The following LAMA2 variants were observed in gnomAD, a reference collection of about 807,000 sequenced individuals.
LAMA2 encodes laminin subunit alpha 2.
In LAMA2, 269 loss-of-function variants were observed where a neutral mutation model predicts 364.8. The ratio of observed to expected loss-of-function variants is 0.74; its 90% confidence interval spans 0.67 to 0.82. The LOEUF (loss-of-function observed/expected upper bound fraction) is 0.82. LAMA2 is among the 40% of genes least tolerant of loss of function. The pLI, the probability that LAMA2 is intolerant of heterozygous loss-of-function variation, is 0.00. For missense variants in LAMA2, 3,807 were observed against 3,873.2 expected (o/e 0.98, Z 0.45); for synonymous variants, 1,379 against 1,370.6 (o/e 1.01, Z -0.14).
At chr6:129,060,724 A>C (rs1788849073) in intron 3 of LAMA2, among the ~76,000 whole-genome samples, 2 of 152,212 alleles carry the variant, frequency 1.3e-5, no homozygotes, top group Admixed American at 6.5e-5. Flanking sequence ...AGATCAGCAC[A>C]AGACATTTTC....
intron 1 of LAMA2, among the ~76,000 whole-genome samples, chr6:129,029,684 C>T (rs182728178): frequency 8.6e-5 from 13 of 151,708 alleles, no homozygotes; most frequent in East Asian, 5.8e-4. Flanking sequence ...AGATATGCTC[C>T]GAAATATATG....
Position 129,423,143 on chromosome 6 carries a change from T to A in LAMA2, c.5866-4609T>A, listed in dbSNP as rs528189735. Among the ~76,000 whole-genome samples the A allele has an allele frequency of 1.4e-3, 213 of 151,932 alleles. 1 individual carries two copies. The highest frequency in any genetic ancestry group is 3.8e-3 in the African/African-American group (156 of 41,432). ...TTGACAAAATGCGTCTATTTTTTTT[T>A]AAAAACTGCCTACTAAGAGTAGGGG... On this transcript the variant is annotated intron_variant, in intron 40 of 64. Transcript: ENST00000421865.
intron 32 of LAMA2, among the ~76,000 whole-genome samples, chr6:129,354,736 A>G (rs1251479833): frequency 1.3e-5 from 2 of 152,206 alleles, no homozygotes; most frequent in East Asian, 3.8e-4. Flanking sequence ...GGTAGATAAT[A>G]TAATGGGATT....
At chr6:128,929,355 C>A (rs1197355195) in intron 1 of LAMA2, 7 of 1,076,022 alleles carry the variant, frequency 6.5e-6, no homozygotes, top group Non-Finnish European at 8.7e-6. Flanking sequence ...GGGGTGAGAC[C>A]TCGAGAGAAT....
intron 1 of LAMA2, among the ~76,000 whole-genome samples, chr6:129,035,685 G>T (rs1003447796): frequency 1.3e-5 from 2 of 151,872 alleles, no homozygotes; most frequent in African/African-American, 4.8e-5. Flanking sequence ...TTTGTATATG[G>T]TGACACATAG....
intron 55 of LAMA2, 39 bp from the exon 56 acceptor site, chr6:129,486,435 G>T: frequency 6.2e-7 from 1 of 1,603,546 alleles, no homozygotes. Flanking sequence ...CCATAAATGA[G>T]ACTTCTGTTT....
intron 31 of LAMA2, among the ~76,000 whole-genome samples, chr6:129,352,212 C>G (rs1358960057): frequency 6.6e-6 from 1 of 152,154 alleles, no homozygotes; most frequent in Non-Finnish European, 1.5e-5. Flanking sequence ...GGAAATTGTC[C>G]TGGGCAAACC....
Position 129,457,475 on chromosome 6 carries a change from C to T in LAMA2, c.6867+981C>T, listed in dbSNP as rs80187434. On this transcript the variant is annotated intron_variant, in intron 48 of 64. Coordinates refer to ENST00000421865, the MANE Select transcript of LAMA2 (RefSeq NM_000426.4). ...GTTGGATTTCCTCCTCTTCCACTTG[C>T]TAAAATATAACCTTAGACAAGTCAC... Among the ~76,000 whole-genome samples, 1,461 of 152,118 alleles carry T rather than the reference C, an allele frequency of 9.6e-3. 16 individuals are homozygous for T. Among genetic ancestry groups the T allele is most frequent in the Middle Eastern group, 0.017 (5 of 294 alleles).
chr6:129,050,155 A>T, intron 2 of LAMA2, 67 bp downstream of exon 2: 1 of 1,492,896 alleles, frequency 6.7e-7, no homozygotes, highest in Non-Finnish European at 9.3e-7. Flanking sequence ...GTTGAGGCCA[A>T]GTTGCATTAA....
At chr6:129,029,179 G>A (rs182603393) in intron 1 of LAMA2, among the ~76,000 whole-genome samples, 2 of 151,756 alleles carry the variant, frequency 1.3e-5, no homozygotes, top group East Asian at 1.9e-4. Flanking sequence ...ATCTCATGAC[G>A]CTAAAACAAG....
Position 129,213,410 on chromosome 6 carries a change from G to C in LAMA2, c.1782+20557G>C, listed in dbSNP as rs114582358. On this transcript the variant is annotated intron_variant, in intron 12 of 64. Coordinates refer to ENST00000421865, the MANE Select transcript of LAMA2 (RefSeq NM_000426.4). ...TAAATACCAAAGAGTGCAATTACTGGATCATATGGTCAGAGCATGCTAGTT... is the reference window on the plus strand; with the variant it reads ...TAAATACCAAAGAGTGCAATTACTGCATCATATGGTCAGAGCATGCTAGTT... 6.0e-3 allele frequency among the ~76,000 whole-genome samples: 918 copies of C among 152,242 alleles called. 11 individuals carry two copies. The highest frequency in any genetic ancestry group is 0.021 in the African/African-American group (852 of 41,558).
intron 40 of LAMA2, among the ~76,000 whole-genome samples, chr6:129,412,269 C>T (rs1451963974): frequency 6.6e-6 from 1 of 152,134 alleles, no homozygotes; most frequent in East Asian, 1.9e-4. Context: ...CAGGGGACCT[C>T]AGTAATTCTT....
intron 12 of LAMA2, among the ~76,000 whole-genome samples, chr6:129,228,985 T>G (rs572079037): frequency 1.3e-5 from 2 of 152,348 alleles, no homozygotes; most frequent in South Asian, 4.1e-4. Flanking sequence ...GTGTATTCAT[T>G]GTATGTATTC....
At chr6:129,196,042 T>C (rs11758111) in intron 12 of LAMA2, among the ~76,000 whole-genome samples, 12,753 of 152,262 alleles carry the variant, frequency 0.084, 683 homozygotes, top group Non-Finnish European at 0.12. Flanking sequence ...AAATTCTCTC[T>C]CTGAATATTA....
At chr6:129,192,634 A>C in intron 11 of LAMA2, 46 bp from the exon 12 acceptor site, 1 of 1,558,348 alleles carries the variant, frequency 6.4e-7, no homozygotes, top group Non-Finnish European at 8.8e-7. Flanking sequence ...AAAGCAGCTG[A>C]TAGATATTTT....
chr6:129,095,754 C>CAAAA (rs57713069), intron 3 of LAMA2, among the ~76,000 whole-genome samples: 2 of 93,984 alleles, frequency 2.1e-5, no homozygotes, highest in South Asian at 3.2e-4. Context: ...CTACTAAATA[C>CAAAA]AAAAAAAAAA....
At chr6:129,324,744 A>G (rs113903807) in intron 28 of LAMA2, among the ~76,000 whole-genome samples, 28 of 152,360 alleles carry the variant, frequency 1.8e-4, no homozygotes, top group African/African-American at 4.6e-4. Context: ...AAGTATTTGC[A>G]TATCTAAACA....
intron 40 of LAMA2, among the ~76,000 whole-genome samples, chr6:129,415,879 G>C (rs1780758780): frequency 4.0e-5 from 6 of 151,890 alleles, no homozygotes; most frequent in Admixed American, 3.9e-4. Flanking sequence ...ATGGTGGTGT[G>C]GCTAGGAAAG....
At chr6:128,891,425 C>G (rs1394928738) in intron 1 of LAMA2, among the ~76,000 whole-genome samples, 1 of 151,940 alleles carries the variant, frequency 6.6e-6, no homozygotes, top group Non-Finnish European at 1.5e-5. Flanking sequence ...GGCTTTATTG[C>G]CTTCTGTGCA....
Sources: gnomAD v4.1 joint callset for allele counts (sites outside exome capture counted in the v4.1 genomes callset) on GRCh38, gnomAD v4.1.1 for gene constraint, MANE v1.5 for transcripts, NCBI Gene and HGNC (gene_info 2026-07-23, HGNC 2026-07-21) for gene names.